NID2: variants seen among roughly 807,000 people sequenced by gnomAD.
The protein encoded by NID2 is nidogen-2.
Under a neutral mutation model 145.4 loss-of-function variants are expected in NID2, and 83 were observed. The observed-to-expected ratio is 0.57, with a 90% CI of 0.48 to 0.69. The LOEUF is 0.69. Ranked by LOEUF, NID2 falls within the 30% of genes least tolerant of loss-of-function variation. NID2 has a pLI of 0.00. For synonymous variants in NID2, 739 were observed against 701.3 expected (o/e 1.05, Z -0.85); for missense variants, 1,807 against 1,765.7 (o/e 1.02, Z -0.42).
intron 16 of NID2, among the ~76,000 whole-genome samples, chr14:52,013,746 CCT>C (rs553998211): frequency 2.6e-4 from 40 of 152,136 alleles, no homozygotes; most frequent in Non-Finnish European, 4.4e-4. Context: ...ATCACACACT[CCT>C]CAAGTTTTCA....
chr14:52,035,872 A>ATT (rs1161464548), intron 9 of NID2, among the ~76,000 whole-genome samples: 2 of 43,060 alleles, frequency 4.6e-5, no homozygotes, highest in Admixed American at 1.5e-4. Flanking sequence ...ATATATATAT[A>ATT]TATATATGTT....
chr14:52,014,655 T>G (rs1891152524), intron 15 of NID2, among the ~76,000 whole-genome samples, 199 bp from the exon 16 acceptor site: 1 of 151,940 alleles, frequency 6.6e-6, no homozygotes, highest in Non-Finnish European at 1.5e-5. Flanking sequence ...AATCTGCCAT[T>G]TACTAGGGAA....
chr14:52,048,459 C>G (rs1184937347), intron 5 of NID2, among the ~76,000 whole-genome samples: 1 of 152,066 alleles, frequency 6.6e-6, no homozygotes, highest in African/African-American at 2.4e-5. Flanking sequence ...GGCTGGGAAT[C>G]AAGATCTGGA....
chr14:52,020,904 A>G (rs774762668), intron 12 of NID2, among the ~76,000 whole-genome samples: 19 of 152,204 alleles, frequency 1.2e-4, no homozygotes, highest in Non-Finnish European at 2.1e-4. Flanking sequence ...TCACCATCAT[A>G]TTTCTCAAAA....
intron 11 of NID2, among the ~76,000 whole-genome samples, 188 bp from the exon 12 acceptor site, chr14:52,027,532 A>G (rs977141700): frequency 6.6e-6 from 1 of 152,056 alleles, no homozygotes; most frequent in Admixed American, 6.5e-5. Flanking sequence ...ATGCTATTAA[A>G]GTTCAAGTAC....
intron 10 of NID2, 36 bp downstream of exon 10, chr14:52,029,511 G>A (rs377118751): frequency 1.9e-6 from 3 of 1,586,488 alleles, no homozygotes; most frequent in Admixed American, 1.7e-5. Context: ...GAAAAACAAG[G>A]GCTACAAGAA....
At chr14:52,043,847 C>G (rs1256616017) in intron 5 of NID2, among the ~76,000 whole-genome samples, 2 of 152,116 alleles carry the variant, frequency 1.3e-5, no homozygotes, top group African/African-American at 4.8e-5. Flanking sequence ...GGAAATATGC[C>G]AATCCCAAGC....
chr14:52,058,697 A>C (rs1007361949), intron 3 of NID2, among the ~76,000 whole-genome samples: 1 of 151,944 alleles, frequency 6.6e-6, no homozygotes, highest in Non-Finnish European at 1.5e-5. Context: ...AGATGCCAGC[A>C]CTTACCCAGG....
rs1890765563 is a variant in NID2 at position 52,006,016 on chromosome 14, C to CATTGCTCATCTCT, written c.4005-180_4005-168dup. The stretch of plus-strand genomic sequence containing the variant: ...AGTTTGAAGACCATTGCTCTAAATC[C>CATTGCTCATCTCT]ATTGCTCATCTCTAGCTGCATGTTA... On this transcript the variant is annotated intron_variant, in intron 20 of 21. Coordinates refer to ENST00000216286, the MANE Select transcript of NID2 (RefSeq NM_007361.4). 3 of 605,586 alleles carry CATTGCTCATCTCT rather than the reference C, an allele frequency of 5.0e-6. No individual in the cohort carries two copies. The South Asian group carries it at 5.6e-5, about 11-fold the overall frequency. The allele number at this position is 605,586 out of a possible 1,614,324, so 37.5% of individuals were successfully genotyped here.
At position 52,028,037 on chromosome 14, in the gene NID2, G is replaced by C. The variant is rs373398455; in HGVS notation, c.2530+685C>G. ...AGGAGCTCTTTAGCCAGTCAAGTAG[G>C]ACATGCATCAGTGAATTATAAATCC... On this transcript the variant is annotated intron_variant, in intron 11 of 21. Coordinates refer to ENST00000216286, the MANE Select transcript of NID2 (RefSeq NM_007361.4). 5.1e-4 allele frequency among the ~76,000 whole-genome samples: 77 copies of C among 152,250 alleles called. 1 individual carries two copies. Among genetic ancestry groups the C allele is most frequent in the African/African-American group, 1.6e-3 (66 of 41,566 alleles).
intron 13 of NID2, among the ~76,000 whole-genome samples, chr14:52,019,500 A>G (rs537494694): frequency 1.3e-5 from 2 of 152,288 alleles, no homozygotes; most frequent in Non-Finnish European, 2.9e-5. Context: ...CTCTAAGTGT[A>G]AAGCAGCCCG....
chr14:52,030,575 AG>A (rs1216651908), intron 9 of NID2, among the ~76,000 whole-genome samples: 2 of 34,010 alleles, frequency 5.9e-5, no homozygotes, highest in Admixed American at 3.2e-4. Flanking sequence ...AAAGGAAGGA[AG>A]GGAAAGAAAG....
chr14:52,061,574 T>A (rs1893021126), intron 2 of NID2, among the ~76,000 whole-genome samples: 1 of 152,040 alleles, frequency 6.6e-6, no homozygotes, highest in South Asian at 2.1e-4. Flanking sequence ...GTGTCCAGGA[T>A]CTCAGGGTGG....
intron 12 of NID2, among the ~76,000 whole-genome samples, chr14:52,025,048 A>G (rs1891543015): frequency 6.6e-6 from 1 of 152,238 alleles, no homozygotes. Context: ...TAAAAGCACC[A>G]TCTCTGCTGA....
chr14:52,030,669 AAAAG>A (rs1891827636), intron 9 of NID2, among the ~76,000 whole-genome samples: 1 of 150,044 alleles, frequency 6.7e-6, no homozygotes, highest in Admixed American at 6.7e-5. Context: ...AAAGAAAAAG[AAAAG>A]AAAGAAAAGG....
intron 2 of NID2, among the ~76,000 whole-genome samples, chr14:52,064,411 G>A (rs181082082): frequency 6.6e-6 from 1 of 152,166 alleles, no homozygotes; most frequent in Non-Finnish European, 1.5e-5. Flanking sequence ...GGGTACTTAC[G>A]GTATCACATG....
intron 9 of NID2, among the ~76,000 whole-genome samples, chr14:52,030,524 GAAAGAAAGAA>G (rs1566755417): frequency 2.5e-4 from 10 of 39,992 alleles, no homozygotes; most frequent in Non-Finnish European, 5.3e-4. Flanking sequence ...AGAAAAGAAA[GAAAGAAAGAA>G]AGAAAGAAAG....
chr14:52,011,411 A>T lies in NID2; in HGVS notation c.3550+143T>A, dbSNP rs1212448450. The T allele has an allele frequency of 4.4e-6, 4 of 906,622 alleles. No individual in the cohort carries two copies. In the South Asian group the frequency reaches 4.9e-5, roughly 11 times the overall value. The allele number at this position is 906,622 out of a possible 1,614,324, so 56.2% of individuals were successfully genotyped here. On this transcript the variant is annotated intron_variant, in intron 17 of 21. Transcript: ENST00000216286. Reference sequence around the variant, plus strand: ...AAGGTGTTTGCTTACAGAGGGGGCTAGTCTTATACAGCTCAATAAAATGAC... The same window carrying T: ...AAGGTGTTTGCTTACAGAGGGGGCTTGTCTTATACAGCTCAATAAAATGAC...
chr14:52,030,337 C>T (rs1267815302), intron 9 of NID2, among the ~76,000 whole-genome samples: 1 of 151,868 alleles, frequency 6.6e-6, no homozygotes, highest in East Asian at 1.9e-4. Flanking sequence ...CTGAAATCTC[C>T]CCTAGAGAAA....
Sources: gnomAD v4.1 joint callset for allele counts (sites outside exome capture counted in the v4.1 genomes callset) on GRCh38, gnomAD v4.1.1 for gene constraint, MANE v1.5 for transcripts, NCBI Gene and HGNC (gene_info 2026-07-23, HGNC 2026-07-21) for gene names.